UAP1L1: variants seen among roughly 807,000 people sequenced by gnomAD.
The protein encoded by UAP1L1 is UDP-N-acetylglucosamine pyrophosphorylase 1 like 1.
Under a neutral mutation model 45.3 loss-of-function variants are expected in UAP1L1, and 45 were observed. The observed-to-expected ratio is 0.99, with a 90% confidence interval of 0.78 to 1.27. UAP1L1 has a LOEUF of 1.27. UAP1L1 is among the 50% of genes most tolerant of loss of function. UAP1L1 has a pLI of 0.00. For synonymous variants in UAP1L1, 323 were observed against 303.9 expected, an observed-to-expected ratio of 1.06 and a Z score of -0.65; for missense variants, 667 against 694.0, an observed-to-expected ratio of 0.96 and a Z score of 0.44.
At chr9:137,079,782 G>A (rs1334496452) in intron 5 of UAP1L1, 1 of 623,092 alleles carries the variant, frequency 1.6e-6, no homozygotes, top group African/African-American at 1.9e-5. Flanking sequence ...GGGCAGGGAT[G>A]TGGCTGATGG....
intron 6 of UAP1L1, 50 bp from the exon 7 acceptor site, chr9:137,080,639 G>A: frequency 7.1e-6 from 11 of 1,558,928 alleles, no homozygotes; most frequent in Non-Finnish European, 9.6e-6. Context: ...CACCTGCCCG[G>A]ATCAGGGCCT....
chr9:137,081,342 C>T (rs982151836), intron 7 of UAP1L1, among the ~76,000 whole-genome samples: 7 of 151,652 alleles, frequency 4.6e-5, no homozygotes, highest in African/African-American at 1.7e-4. Flanking sequence ...GCTGGGACTA[C>T]AGGCGCCCGC....
Position 137,082,765 on chromosome 9 carries a change from G to A in UAP1L1, c.*36G>A, listed in dbSNP as rs1230779144. 2 of 1,506,904 alleles carry A rather than the reference G, an allele frequency of 1.3e-6. No individual in the cohort carries two copies. Among genetic ancestry groups the A allele is most frequent in the African/African-American group, 1.4e-5 (1 of 72,368 alleles). The allele number at this position is 1,506,904 out of a possible 1,614,324, so 93.3% of individuals were successfully genotyped here. On this transcript the variant is annotated 3_prime_UTR_variant, in exon 9 of 9. Transcript: ENST00000409858. This position sits in a 1 kb window ranked among gnomAD's most constrained non-coding sequence, Gnocchi z 5.7. ...CTGTCCCCAGACTCCCCCGAGACCT[G>A]CCAGCCCCGGCATCCTGGAAGTCCC...
chr9:137,081,042 A>G (rs975827644), intron 7 of UAP1L1, among the ~76,000 whole-genome samples, 168 bp downstream of exon 7: 1 of 152,152 alleles, frequency 6.6e-6, no homozygotes, highest in Non-Finnish European at 1.5e-5. Context: ...TCCAGGTCAC[A>G]CGGTGACTGT....
rs1266614109 is a variant in UAP1L1 at position 137,077,964 on chromosome 9, T to A, written c.290-86T>A. 3.9e-6 allele frequency: 6 copies of A among 1,531,084 alleles called. No homozygotes were observed. 94.8% of individuals were successfully genotyped at this position (1,531,084 alleles called of 1,614,324 possible). A position where few individuals can be genotyped will look rare whatever the true frequency, so the allele number is the denominator to read the frequency against. ...CTCACGCGTTCCGGCCCCCGAGTCC[T>A]GGCGCCCCAGCCCCAGAGTTGGTTT... On this transcript the variant is annotated intron_variant, in intron 1 of 8. Coordinates refer to ENST00000409858, the MANE Select transcript of UAP1L1 (RefSeq NM_207309.3). The surrounding 1 kb of genome is among the most constrained non-coding windows in gnomAD (Gnocchi z 4.7).
chr9:137,079,447 C>T lies in UAP1L1; in HGVS notation c.1035C>T (p.Thr345=), dbSNP rs1439973745. Residue 345 remains threonine, a splice_region_variant and synonymous_variant, in exon 5 of 9, where the codon ACC becomes ACT. Coordinates refer to ENST00000409858, the MANE Select transcript of UAP1L1 (RefSeq NM_207309.3). ...FFTRGFLKAV[T]REFEPLLKPH... ...CCCGAGGCTTCCTTAAGGCGGTCAC[C>T]AGGTGTGCGGCAGCAGGTGGCTGCG... The T allele has an allele frequency of 1.3e-6, 2 of 1,583,112 alleles. No individual in the cohort carries two copies. The highest frequency in any genetic ancestry group is 1.7e-5 in the Admixed American group (1 of 58,036).
At position 137,082,865 on chromosome 9, in the gene UAP1L1, A is replaced by C; in HGVS notation, c.*136A>C. On this transcript the variant is annotated 3_prime_UTR_variant, in exon 9 of 9. Transcript: ENST00000409858. This position sits in a 1 kb window ranked among gnomAD's most constrained non-coding sequence, Gnocchi z 5.7. ...GCCCAGCCTGAGCTCTGGGTGGGAA[A>C]GCAGCCTGCCCCATGCTTCCAGCCT... is the stretch of plus-strand genomic sequence containing the variant. 1.5e-6 allele frequency: 1 copy of C among 669,230 alleles called. No homozygotes were observed. The highest frequency in any genetic ancestry group is 1.7e-5 in the South Asian group (1 of 57,810). 41.5% of individuals were successfully genotyped at this position (669,230 alleles called of 1,614,324 possible).
chr9:137,080,440 G>T (rs1224401540), intron 6 of UAP1L1: 1 of 591,024 alleles, frequency 1.7e-6, no homozygotes, highest in South Asian at 2.2e-5. Context: ...AGGGCGGCTC[G>T]CAGGGCCTTT....
intron 5 of UAP1L1, 22 bp from the exon 6 acceptor site, chr9:137,079,980 C>A (rs1333419996): frequency 6.2e-7 from 1 of 1,612,164 alleles, no homozygotes; most frequent in Non-Finnish European, 8.5e-7. Context: ...TCTTTCCTCC[C>A]CTCTGCTCTC....
chr9:137,078,415 C>G (rs753481126), intron 2 of UAP1L1, 87 bp from the exon 3 acceptor site: 1 of 1,603,416 alleles, frequency 6.2e-7, no homozygotes, highest in Non-Finnish European at 8.5e-7. Context: ...CACTGGACCC[C>G]GAACCCCGAT....
chr9:137,082,091 G>T lies in UAP1L1; in HGVS notation c.1431+27G>T, dbSNP rs746265123. On this transcript the variant is annotated intron_variant, in intron 8 of 8. Transcript: ENST00000409858. This position sits in a 1 kb window ranked among gnomAD's most constrained non-coding sequence, Gnocchi z 5.7. ...TGAGAGCTGCCCATCCCTATCTGGG[G>T]CTTTTCTGGTGTCAGGTTTGGAATA... 3.1e-6 allele frequency: 5 copies of T among 1,611,828 alleles called. No individual in the cohort carries two copies. The South Asian group carries it at 5.5e-5, about 18-fold the overall frequency.
In UAP1L1 at chr9:137,079,148, G is replaced by A; in HGVS notation, c.843G>A (p.Lys281=). The A allele has an allele frequency of 6.8e-6, 11 of 1,609,452 alleles. No homozygotes were observed. The highest frequency in any genetic ancestry group is 4.5e-5 in the East Asian group (2 of 44,826). Residue 281 remains lysine, a splice_region_variant and synonymous_variant, in exon 4 of 9, where the codon AAG becomes AAA. Coordinates refer to ENST00000409858, the MANE Select transcript of UAP1L1 (RefSeq NM_207309.3). Reference sequence around the variant, plus strand: ...TGCAGGGCGCAGACTGTGGCGCCAAGGTTAGCGCCCGACTGCGCGGCGCCC... The same window carrying A: ...TGCAGGGCGCAGACTGTGGCGCCAAAGTTAGCGCCCGACTGCGCGGCGCCC... ...CVLQGADCGA[K]VVEKAYPEEP... is the part of the protein sequence containing the mutation.
Position 137,082,624 on chromosome 9 carries a change from T to C in UAP1L1, c.1432-13T>C. On this transcript the variant is annotated splice_polypyrimidine_tract_variant and intron_variant, in intron 8 of 8. Transcript: ENST00000409858. This position sits in a 1 kb window ranked among gnomAD's most constrained non-coding sequence, Gnocchi z 5.7. ...AGGTGGGTACTTGGCCATTGTCCCC[T>C]GCTCGTCTCCAGGGTTTAGAAGTGT... The C allele has an allele frequency of 6.4e-7, 1 of 1,550,878 alleles. No homozygotes were observed. Among genetic ancestry groups the C allele is most frequent in the South Asian group, 1.2e-5 (1 of 84,046 alleles).
At position 137,080,112 on chromosome 9, in the gene UAP1L1, AG is replaced by A; in HGVS notation, c.1149del (p.Lys383AsnfsTer27). On this transcript the variant is annotated frameshift_variant, in exon 6 of 9. Coordinates refer to ENST00000409858, the MANE Select transcript of UAP1L1 (RefSeq NM_207309.3). LOFTEE classifies it high-confidence loss of function. Reference protein sequence around the residue: ...PLKPNGIKMEKFVFDVFRFAK... With the variant: ...PLKPNGIKMEXFVFDVFRFAK... The stretch of plus-strand genomic sequence containing the variant: ...AAACCGAACGGGATAAAGATGGAGA[AG>A]TTTGTGTTTGATGTGTTCCGGTTTG... 3.7e-6 allele frequency: 6 copies of A among 1,614,148 alleles called. No individual in the cohort carries two copies. The highest frequency in any genetic ancestry group is 5.1e-6 in the Non-Finnish European group (6 of 1,179,982).
intron 3 of UAP1L1, 136 bp downstream of exon 3, chr9:137,078,813 G>T: frequency 7.6e-7 from 1 of 1,320,670 alleles, no homozygotes; most frequent in Non-Finnish European, 1.0e-6. Flanking sequence ...TCTGGGCCTT[G>T]ATCGTCATTT....
At chr9:137,080,163 A>G (rs1189488825) in intron 6 of UAP1L1, 21 bp downstream of exon 6, 2 of 1,612,296 alleles carry the variant, frequency 1.2e-6, no homozygotes, top group African/African-American at 1.3e-5. Context: ...GAACTCATTT[A>G]TTTTCCCCTT....
Position 137,077,925 on chromosome 9 carries a change from G to C in UAP1L1, c.289+104G>C, listed in dbSNP as rs912442693. ...GAACTGTAGTTCTCCTCGCTACTTT[G>C]AGACGTGTCTCGCCTCACGCGTTCC... On this transcript the variant is annotated intron_variant, in intron 1 of 8. Coordinates refer to ENST00000409858, the MANE Select transcript of UAP1L1 (RefSeq NM_207309.3). The surrounding 1 kb of genome is among the most constrained non-coding windows in gnomAD (Gnocchi z 4.7). 4 of 1,509,204 alleles carry C rather than the reference G, an allele frequency of 2.7e-6. No homozygotes were observed. The African/African-American group carries it at 5.5e-5, about 21-fold the overall frequency. 93.5% of individuals were successfully genotyped at this position (1,509,204 alleles called of 1,614,324 possible). A position where few individuals can be genotyped will look rare whatever the true frequency, so the allele number is the denominator to read the frequency against.
At chr9:137,079,499 G>T in intron 5 of UAP1L1, 50 bp downstream of exon 5, 3 of 1,530,514 alleles carry the variant, frequency 2.0e-6, no homozygotes, top group South Asian at 2.5e-5. Context: ...CGCCTGCGTT[G>T]ACCAGGGACC....
chr9:137,078,685 C>T lies in UAP1L1; in HGVS notation c.670+8C>T. ...AAGTTGCCATGGCCCCAGGTGTGGC[C>T]CGTTCCTGAGACGGGGAGGGACCGC... On this transcript the variant is annotated splice_region_variant and intron_variant, in intron 3 of 8. Transcript: ENST00000409858. 2.5e-6 allele frequency: 4 copies of T among 1,608,290 alleles called. No individual in the cohort carries two copies. Among genetic ancestry groups the T allele is most frequent in the Non-Finnish European group, 3.4e-6 (4 of 1,176,822 alleles).
Sources: allele counts gnomAD v4.1 joint callset (sites outside exome capture counted in the v4.1 genomes callset), GRCh38; gene constraint gnomAD v4.1.1; non-coding constraint Gnocchi (gnomAD v3.1); transcripts MANE v1.5; gene names NCBI Gene and HGNC (gene_info 2026-07-23, HGNC 2026-07-21).